The following PDE3A variants were observed in gnomAD, a reference collection of about 807,000 sequenced individuals.
PDE3A encodes the protein cGMP-inhibited 3',5'-cyclic phosphodiesterase 3A.
A neutral mutation model predicts 98.3 loss-of-function variants in PDE3A; 43 were observed. The ratio of observed to expected loss-of-function variants is 0.44; its 90% confidence interval spans 0.34 to 0.56. The LOEUF (loss-of-function observed/expected upper bound fraction) is 0.56, where lower values mean the gene tolerates loss of function less well. PDE3A is among the 20% of genes least tolerant of loss of function. The pLI is 0.01. For missense variants in PDE3A, 1,427 were observed against 1,440.7 expected (o/e 0.99, Z 0.15); for synonymous variants, 663 against 567.9 (o/e 1.17, Z -2.38).
chr12:20,522,309 T>C (rs1946444864), intron 1 of PDE3A, among the ~76,000 whole-genome samples: 1 of 152,184 alleles, frequency 6.6e-6, no homozygotes, highest in Non-Finnish European at 1.5e-5. Flanking sequence ...AGTATCAGTG[T>C]GCTGGGAATT....
intron 1 of PDE3A, among the ~76,000 whole-genome samples, chr12:20,538,208 G>A (rs775580339): frequency 6.6e-6 from 1 of 152,028 alleles, no homozygotes; most frequent in Non-Finnish European, 1.5e-5. Flanking sequence ...GTTTAGATTT[G>A]TATATGTCTG....
At chr12:20,518,360 C>A (rs555994952) in intron 1 of PDE3A, among the ~76,000 whole-genome samples, 7 of 151,686 alleles carry the variant, frequency 4.6e-5, no homozygotes, top group South Asian at 2.1e-4. Context: ...AATGACTGAA[C>A]TTTTAGAGGG....
At chr12:20,616,699 C>G (rs1042126148) in intron 4 of PDE3A, among the ~76,000 whole-genome samples, 1 of 151,998 alleles carries the variant, frequency 6.6e-6, no homozygotes, top group African/African-American at 2.4e-5. Flanking sequence ...AGATTCATAC[C>G]GAGACCCTTA....
At chr12:20,637,993 G>T (rs560205721) in intron 9 of PDE3A, among the ~76,000 whole-genome samples, 15 of 152,230 alleles carry the variant, frequency 9.9e-5, no homozygotes, top group African/African-American at 3.6e-4. Flanking sequence ...CATGTTTTAG[G>T]TGTATTCTTA....
chr12:20,471,373 G>C (rs1945437381), intron 1 of PDE3A, among the ~76,000 whole-genome samples: 1 of 152,126 alleles, frequency 6.6e-6, no homozygotes, highest in Non-Finnish European at 1.5e-5. Flanking sequence ...GTAAGGTCAG[G>C]TACTGGTGTT....
At chr12:20,676,672 T>C (rs1945650316) in intron 15 of PDE3A, among the ~76,000 whole-genome samples, 1 of 152,042 alleles carries the variant, frequency 6.6e-6, no homozygotes, top group African/African-American at 2.4e-5. Context: ...GCTAATTTTT[T>C]GTATTTTTAG....
chr12:20,672,455 A>T lies in PDE3A; in HGVS notation c.3185-7575A>T, dbSNP rs1037420382. On this transcript the variant is annotated intron_variant, in intron 15 of 15. Transcript: ENST00000359062. ...ACTACCTGACTTCAAACTATACTAC[A>T]AGGCTAGAGTAACCAAAACAGCATG... 8.6e-5 allele frequency among the ~76,000 whole-genome samples: 13 copies of T among 150,822 alleles called. 1 individual carries two copies. The highest frequency in any genetic ancestry group is 3.2e-4 in the African/African-American group (13 of 40,916).
At chr12:20,387,236 G>C (rs889225861) in intron 1 of PDE3A, among the ~76,000 whole-genome samples, 1 of 152,014 alleles carries the variant, frequency 6.6e-6, no homozygotes, top group Non-Finnish European at 1.5e-5. Flanking sequence ...TTTTGCTTAG[G>C]ATTGTCTTGG....
intron 1 of PDE3A, among the ~76,000 whole-genome samples, chr12:20,440,975 A>G (rs953894228): frequency 2.0e-5 from 3 of 152,216 alleles, no homozygotes; most frequent in Non-Finnish European, 4.4e-5. Flanking sequence ...TGAATAAAAC[A>G]TTATGTATCA....
intron 15 of PDE3A, among the ~76,000 whole-genome samples, chr12:20,671,386 GAC>G (rs1945476765): frequency 6.6e-6 from 1 of 152,032 alleles, no homozygotes; most frequent in Admixed American, 6.5e-5. Flanking sequence ...GCCAGGCAGA[GAC>G]ACAACAAAAA....
chr12:20,442,103 T>C (rs182699472), intron 1 of PDE3A, among the ~76,000 whole-genome samples: 1 of 152,340 alleles, frequency 6.6e-6, no homozygotes, highest in Admixed American at 6.5e-5. Context: ...AACCTTCTTC[T>C]TCATAAAAAT....
chr12:20,422,006 C>A (rs1036606874), intron 1 of PDE3A, among the ~76,000 whole-genome samples: 2 of 152,148 alleles, frequency 1.3e-5, no homozygotes, highest in Non-Finnish European at 2.9e-5. Context: ...AAAATCTCAA[C>A]TTCACTTGCG....
At chr12:20,517,515 C>A (rs1565574965) in intron 1 of PDE3A, among the ~76,000 whole-genome samples, 1 of 152,116 alleles carries the variant, frequency 6.6e-6, no homozygotes, top group East Asian at 1.9e-4. Context: ...CATAAATAAG[C>A]TTCTTTATAA....
chr12:20,370,389 GTTTTTTTTTTGTTTTTTTTGTTT>G (rs757962205), intron 1 of PDE3A, 145 bp downstream of exon 1: 11,258 of 425,040 alleles, frequency 0.026, 184 homozygotes, highest in Non-Finnish European at 0.031. Context: ...AAACTAGCAG[GTTTTTTTTTTGTTTTTTTTGTTT>G]TTTTTTTTTT....
intron 15 of PDE3A, 73 bp downstream of exon 15, chr12:20,654,278 C>A: frequency 7.1e-7 from 1 of 1,408,748 alleles, no homozygotes; most frequent in South Asian, 1.2e-5. Flanking sequence ...TTTTATGCTT[C>A]TTATGAAATA....
chr12:20,481,577 GA>G, intron 1 of PDE3A, among the ~76,000 whole-genome samples: 1 of 152,000 alleles, frequency 6.6e-6, no homozygotes, highest in Middle Eastern at 3.4e-3. Context: ...GCTACATATA[GA>G]GTAACACAAT....
chr12:20,499,057 A>G (rs1310379282), intron 1 of PDE3A, among the ~76,000 whole-genome samples: 1 of 152,148 alleles, frequency 6.6e-6, no homozygotes, highest in Non-Finnish European at 1.5e-5. Flanking sequence ...AGGATTAAAA[A>G]ATTATATCCT....
chr12:20,479,306 T>C lies in PDE3A; in HGVS notation c.961-77354T>C, dbSNP rs534904366. On this transcript the variant is annotated intron_variant, in intron 1 of 15. Coordinates refer to ENST00000359062, the MANE Select transcript of PDE3A (RefSeq NM_000921.5). ...AGGTAACATCAGGGCTAAAGTTTCA[T>C]TCCAGTGGGGACTGATGGACTGCTC... Among the ~76,000 whole-genome samples the C allele has an allele frequency of 3.3e-5, 5 of 152,346 alleles. No individual in the cohort carries two copies. The East Asian group carries it at 9.6e-4, about 29-fold the overall frequency.
intron 1 of PDE3A, among the ~76,000 whole-genome samples, chr12:20,505,931 T>C (rs1316639877): frequency 1.3e-5 from 2 of 151,952 alleles, no homozygotes; most frequent in Non-Finnish European, 2.9e-5. Flanking sequence ...AGTCCATTGG[T>C]TAGTGCCCCC....
Sources: allele counts gnomAD v4.1 joint callset (sites outside exome capture counted in the v4.1 genomes callset), GRCh38; gene constraint gnomAD v4.1.1; transcripts MANE v1.5; gene names NCBI Gene and HGNC (gene_info 2026-07-23, HGNC 2026-07-21).